MFRP: variants seen among roughly 807,000 people sequenced by gnomAD.
MFRP encodes the protein C1q and TNF related 5.
In MFRP, 74 loss-of-function variants were observed where a neutral mutation model predicts 65.8. The observed-to-expected ratio is 1.12, with a 90% confidence interval of 0.93 to 1.36. MFRP has a LOEUF of 1.36. MFRP is among the 40% of genes most tolerant of loss of function. MFRP has a pLI of 0.00. For missense variants in MFRP, 838 were observed against 736.0 expected, an observed-to-expected ratio of 1.14 and a Z score of -1.60; for synonymous variants, 336 against 288.3, an observed-to-expected ratio of 1.17 and a Z score of -1.68.
intron 11 of MFRP, 142 bp downstream of exon 11, chr11:119,342,454 A>G (rs1950511476): frequency 1.9e-6 from 2 of 1,036,684 alleles, no homozygotes; most frequent in Non-Finnish European, 2.8e-6. Flanking sequence ...GACTCTGTGA[A>G]GTGGTCCCAG....
chr11:119,339,120 G>T lies in MFRP; in HGVS notation c.*1839C>A, dbSNP rs1950469140. 1 of 609,610 alleles carries T rather than the reference G, an allele frequency of 1.6e-6. No homozygotes were observed. The highest frequency in any genetic ancestry group is 2.8e-6 in the Non-Finnish European group (1 of 353,040). The allele number at this position is 609,610 out of a possible 1,614,324, so 37.8% of individuals were successfully genotyped here. The stretch of plus-strand genomic sequence containing the variant: ...GCACAGCACACTCCTCTGGTCTTGG[G>T]CAGAAATCCAGCCACTGCCCCATGC... On this transcript the variant is annotated 3_prime_UTR_variant, in exon 15 of 15. Transcript: ENST00000619721. The surrounding 1 kb of genome is among the most constrained non-coding windows in gnomAD (Gnocchi z 5.4).
In MFRP at chr11:119,345,623, GCCT is replaced by G. The variant is rs1431547038; in HGVS notation, c.435_437del (p.Gly146del). Reference sequence around the variant, plus strand: ...AGAAGCCCCTTGGGCCAGAGAGGAGGCCTCCACAGGCTGCAGAGATGGAGGTTA... The same window carrying G: ...AGAAGCCCCTTGGGCCAGAGAGGAGGCCACAGGCTGCAGAGATGGAGGTTA... On this transcript the variant is annotated inframe_deletion, in exon 5 of 15. Coordinates refer to ENST00000619721, the MANE Select transcript of MFRP (RefSeq NM_031433.4). The G allele has an allele frequency of 6.2e-7, 1 of 1,613,640 alleles. No homozygotes were observed. Among genetic ancestry groups the G allele is most frequent in the Non-Finnish European group, 8.5e-7 (1 of 1,179,926 alleles).
At position 119,345,378 on chromosome 11, in the gene MFRP, G is replaced by A. The variant is rs200869827; in HGVS notation, c.641+42C>T. On this transcript the variant is annotated intron_variant, in intron 5 of 14. Transcript: ENST00000619721. ...CCCTGATTCTGCTCTTTAGATAGTGGTTCAGGACACGGTGGGATGTCCTGG... is the reference window on the plus strand; with the variant it reads ...CCCTGATTCTGCTCTTTAGATAGTGATTCAGGACACGGTGGGATGTCCTGG... The A allele has an allele frequency of 2.3e-5, 37 of 1,590,062 alleles. No homozygotes were observed. In the African/African-American group the frequency reaches 4.4e-4, roughly 19 times the overall value.
intron 8 of MFRP, 96 bp downstream of exon 8, chr11:119,344,219 A>G: frequency 1.6e-6 from 2 of 1,212,508 alleles, no homozygotes; most frequent in East Asian, 2.3e-5. Flanking sequence ...TCCCAAGTAG[A>G]AGGTAGTGTC....
In MFRP at chr11:119,344,733, C is replaced by T. The variant is rs201021366; in HGVS notation, c.797G>A (p.Arg266His). 98 of 1,613,902 alleles carry T rather than the reference C, an allele frequency of 6.1e-5. No individual in the cohort carries two copies. Among genetic ancestry groups the T allele is most frequent in the South Asian group, 9.9e-5 (9 of 91,088 alleles). Residue 266 changes from arginine to histidine, a missense_variant, in exon 7 of 15, where the codon CGC becomes CAC. By Grantham distance (29) the Arg-to-His change is conservative. Transcript: ENST00000619721. ...GRGSCAHDEF[R>H]CDQLICLLPD... The stretch of plus-strand genomic sequence containing the variant: ...TAGCAGGCAGATGAGCTGGTCACAG[C>T]GGAACTCATCATGGGCACAGCTCCC...
In MFRP at chr11:119,344,031, G is replaced by A. The variant is rs1950531699; in HGVS notation, c.976-67C>T. 3 of 1,599,404 alleles carry A rather than the reference G, an allele frequency of 1.9e-6. No homozygotes were observed. In the East Asian group the frequency reaches 6.7e-5, roughly 36 times the overall value. ...CTGTCTCATCCCGGGCACCCAGAAG[G>A]GTCTTCTTCCCCCACTGCTGGCTGG... On this transcript the variant is annotated intron_variant, in intron 8 of 14. Transcript: ENST00000619721.
At position 119,344,690 on chromosome 11, in the gene MFRP, A is replaced by G. The variant is rs1411512596; in HGVS notation, c.840T>C (p.Asp280=). The change falls in exon 7 of 15, where the codon GAT becomes GAC. Residue 280 remains aspartate, a synonymous_variant. Coordinates refer to ENST00000619721, the MANE Select transcript of MFRP (RefSeq NM_031433.4). The part of the protein sequence containing the change: ...LICLLPDSVC[D]GFANCADGSD... ...TGCCGTCAGCACAGTTGGCAAAACCATCACACACTGAGTCAGGTAGCAGGC... is the reference window on the plus strand; with the variant it reads ...TGCCGTCAGCACAGTTGGCAAAACCGTCACACACTGAGTCAGGTAGCAGGC... 22 of 1,614,098 alleles carry G rather than the reference A, an allele frequency of 1.4e-5. No homozygotes were observed. Among genetic ancestry groups the G allele is most frequent in the Non-Finnish European group, 1.7e-5 (20 of 1,180,042 alleles).
Position 119,341,467 on chromosome 11 carries a change from C to T in MFRP, c.*81G>A. 1 of 1,223,742 alleles carries T rather than the reference C, an allele frequency of 8.2e-7. No individual in the cohort carries two copies. The highest frequency in any genetic ancestry group is 1.2e-6 in the Non-Finnish European group (1 of 849,974). 75.8% of individuals were successfully genotyped at this position (1,223,742 alleles called of 1,614,324 possible). On this transcript the variant is annotated 3_prime_UTR_variant, in exon 13 of 15. Transcript: ENST00000619721. ...AGGATGGGTAGAGACCCTGCTGATG[C>T]TCCTTCCTTTGTTCCCCTGCGTGCC...
chr11:119,341,509 A>G lies in MFRP; in HGVS notation c.*39T>C, dbSNP rs746947108. ...CTGCGTGCCAGCCCTGACCGGCAAA[A>G]GAGGACGGGCAGGAAGAGGGCAGGG... On this transcript the variant is annotated 3_prime_UTR_variant, in exon 13 of 15. Transcript: ENST00000619721. 563 of 1,560,928 alleles carry G rather than the reference A, an allele frequency of 3.6e-4. 1 individual carries two copies. The highest frequency in any genetic ancestry group is 4.7e-4 in the Non-Finnish European group (531 of 1,137,270).
chr11:119,339,721 C>G lies in MFRP; in HGVS notation c.*1238G>C. ...AGGGTGCGTCAGACGGCGGAGGCAC[C>G]CGGCTCTCGGAGCGCTTGGCGCTGA... On this transcript the variant is annotated 3_prime_UTR_variant, in exon 15 of 15. Coordinates refer to ENST00000619721, the MANE Select transcript of MFRP (RefSeq NM_031433.4). The surrounding 1 kb of genome is among the most constrained non-coding windows in gnomAD (Gnocchi z 5.4). The G allele has an allele frequency of 6.2e-7, 1 of 1,601,866 alleles. No homozygotes were observed. Among genetic ancestry groups the G allele is most frequent in the Non-Finnish European group, 8.5e-7 (1 of 1,178,552 alleles).
In MFRP at chr11:119,344,401, G is replaced by A. The variant is rs370434693; in HGVS notation, c.899-10C>T. The A allele has an allele frequency of 1.9e-6, 3 of 1,612,696 alleles. No individual in the cohort carries two copies. The highest frequency in any genetic ancestry group is 2.2e-5 in the South Asian group (2 of 90,908). On this transcript the variant is annotated splice_polypyrimidine_tract_variant and intron_variant, in intron 7 of 14. Transcript: ENST00000619721. ...AGATTCCCCCCACACCCTGTAGAGA[G>A]GTGGAAGGGCTCATGAGTTTGCTAG... is the stretch of plus-strand genomic sequence containing the variant.
Position 119,346,033 on chromosome 11 carries a change from C to A in MFRP, c.271+13G>T. On this transcript the variant is annotated intron_variant, in intron 3 of 14. Transcript: ENST00000619721. ...TCCAAAGCCCTCGTTTCAAGCTGTC[C>A]CCGGGTACTTACGGGCCAGGATGAT... 6.2e-7 allele frequency: 1 copy of A among 1,612,112 alleles called. No homozygotes were observed. Among genetic ancestry groups the A allele is most frequent in the Non-Finnish European group, 8.5e-7 (1 of 1,179,252 alleles).
Position 119,341,513 on chromosome 11 carries a change from G to C in MFRP, c.*35C>G, listed in dbSNP as rs768531221. The stretch of plus-strand genomic sequence containing the variant: ...GTGCCAGCCCTGACCGGCAAAAGAG[G>C]ACGGGCAGGAAGAGGGCAGGGGCCG... On this transcript the variant is annotated 3_prime_UTR_variant, in exon 13 of 15. Transcript: ENST00000619721. 2 of 1,569,822 alleles carry C rather than the reference G, an allele frequency of 1.3e-6. No homozygotes were observed. The highest frequency in any genetic ancestry group is 1.4e-5 in the African/African-American group (1 of 74,034).
Position 119,342,947 on chromosome 11 carries a change from A to G in MFRP, c.1181T>C (p.Val394Ala). 1.9e-6 allele frequency: 3 copies of G among 1,612,314 alleles called. No homozygotes were observed. The highest frequency in any genetic ancestry group is 2.5e-6 in the Non-Finnish European group (3 of 1,179,660). Residue 394 changes from valine (V) to alanine (A), a missense_variant, in exon 10 of 15, where the codon GTG becomes GCG. Coordinates refer to ENST00000619721, the MANE Select transcript of MFRP (RefSeq NM_031433.4). ...GATGCCATGATCTGTCCTAAACAGCACAGCCAGCTCATGGTGCGAGGAGAC... is the reference window on the plus strand; with the variant it reads ...GATGCCATGATCTGTCCTAAACAGCGCAGCCAGCTCATGGTGCGAGGAGAC... Reference protein sequence around the residue: ...HLVSSHHELAVLFRTDHGISS... With the variant: ...HLVSSHHELAALFRTDHGISS...
chr11:119,343,760 G>T lies in MFRP; in HGVS notation c.1124+56C>A, dbSNP rs138105835. 2,095 of 1,605,066 alleles carry T rather than the reference G, an allele frequency of 1.3e-3. 28 individuals are homozygous for T. The South Asian group carries it at 0.015, about 11-fold the overall frequency. On this transcript the variant is annotated intron_variant, in intron 9 of 14. Transcript: ENST00000619721. Reference sequence around the variant, plus strand: ...AATGTGCTGGGCCGACATGGAAGCCGGGGGTGGCAGACAGTGAGGATGGAG... The same window carrying T: ...AATGTGCTGGGCCGACATGGAAGCCTGGGGTGGCAGACAGTGAGGATGGAG...
chr11:119,340,131 C>A, intron 14 of MFRP, 53 bp downstream of exon 14: 1 of 1,483,316 alleles, frequency 6.7e-7, no homozygotes. Context: ...GCTGGAGCTG[C>A]GGCCGCGCCT....
chr11:119,346,215 T>C, intron 2 of MFRP, 56 bp from the exon 3 acceptor site: 1 of 1,568,928 alleles, frequency 6.4e-7, no homozygotes, highest in Non-Finnish European at 8.7e-7. Flanking sequence ...TTCCTCATGC[T>C]GTCCTTGGCT....
Position 119,345,827 on chromosome 11 carries a change from C to T in MFRP, c.373G>A (p.Ala125Thr). 1 of 1,613,910 alleles carries T rather than the reference C, an allele frequency of 6.2e-7. No individual in the cohort carries two copies. The highest frequency in any genetic ancestry group is 8.5e-7 in the Non-Finnish European group (1 of 1,180,004). Residue 125 changes from alanine (A) to threonine (T), a missense_variant, in exon 4 of 15, where the codon GCT becomes ACT. Physicochemically the swap from Ala to Thr is moderately conservative, Grantham distance 58. Coordinates refer to ENST00000619721, the MANE Select transcript of MFRP (RefSeq NM_031433.4). ...TTPTITTSQA[A>T]GTPKGQQESG... is the part of the protein sequence containing the mutation. ...TCCTGCTGCCCTTTAGGGGTCCCAGCTGCCTGAGAGGTGGTGATGGTGGGG... is the reference window on the plus strand; with the variant it reads ...TCCTGCTGCCCTTTAGGGGTCCCAGTTGCCTGAGAGGTGGTGATGGTGGGG...
chr11:119,346,032 C>G lies in MFRP; in HGVS notation c.271+14G>C. Reference sequence around the variant, plus strand: ...TTCCAAAGCCCTCGTTTCAAGCTGTCCCCGGGTACTTACGGGCCAGGATGA... The same window carrying G: ...TTCCAAAGCCCTCGTTTCAAGCTGTGCCCGGGTACTTACGGGCCAGGATGA... On this transcript the variant is annotated intron_variant, in intron 3 of 14. Coordinates refer to ENST00000619721, the MANE Select transcript of MFRP (RefSeq NM_031433.4). 6.2e-7 allele frequency: 1 copy of G among 1,612,072 alleles called. No homozygotes were observed.
Sources: allele counts gnomAD v4.1 joint callset, GRCh38; gene constraint gnomAD v4.1.1; non-coding constraint Gnocchi (gnomAD v3.1); transcripts MANE v1.5; gene names NCBI Gene and HGNC (gene_info 2026-07-23, HGNC 2026-07-21).